The following ACVR1 variants were observed in gnomAD, a reference collection of about 807,000 sequenced individuals.
ACVR1 encodes activin receptor type-1.
A neutral mutation model predicts 57.1 loss-of-function variants in ACVR1; 38 were observed. The ratio of observed to expected loss-of-function variants is 0.67; its 90% CI spans 0.51 to 0.87. The LOEUF is 0.87. Among genes scored for constraint, ACVR1 ranks in the 40% least tolerant of loss-of-function variants. The pLI is 0.00. For missense variants in ACVR1, 463 were observed against 638.2 expected (o/e 0.73, Z 2.96); for synonymous variants, 212 against 228.1 (o/e 0.93, Z 0.63).
intron 1 of ACVR1, among the ~76,000 whole-genome samples, chr2:157,870,701 T>C (rs1690090192): frequency 6.6e-6 from 1 of 152,228 alleles, no homozygotes; most frequent in African/African-American, 2.4e-5. Flanking sequence ...ATTAGTGAGA[T>C]ATTCTTCTCA....
chr2:157,796,645 C>T (rs1687135277), intron 3 of ACVR1, among the ~76,000 whole-genome samples: 1 of 151,528 alleles, frequency 6.6e-6, no homozygotes, highest in African/African-American at 2.4e-5. Context: ...GACTTTAGTT[C>T]TCAATATTCC....
intron 8 of ACVR1, among the ~76,000 whole-genome samples, chr2:157,762,182 C>T (rs1685684338): frequency 6.6e-6 from 1 of 152,218 alleles, no homozygotes; most frequent in Non-Finnish European, 1.5e-5. Context: ...AGTCCCCCCA[C>T]TTATCCTTCA....
rs544477294 is a variant in ACVR1, at chr2:157,815,568, A to G, written c.-8+2817T>C. On this transcript the variant is annotated intron_variant, in intron 2 of 10. Coordinates refer to ENST00000434821, the MANE Select transcript of ACVR1 (RefSeq NM_001111067.4). ...TTTCATAATTAAGAATCACAGGGGT[A>G]GCAATTAACTACAGCCATCATCTCC... 1.9e-4 allele frequency among the ~76,000 whole-genome samples: 29 copies of G among 152,330 alleles called. No individual in the cohort carries two copies. In the East Asian group the frequency reaches 4.1e-3, roughly 21 times the overall value.
intron 3 of ACVR1, among the ~76,000 whole-genome samples, chr2:157,796,847 T>C (rs1360867858): frequency 6.6e-6 from 1 of 152,166 alleles, no homozygotes; most frequent in Admixed American, 6.5e-5. Flanking sequence ...CATTTCCTCG[T>C]ATTAATTCCT....
intron 1 of ACVR1, among the ~76,000 whole-genome samples, chr2:157,845,336 T>A (rs1358427182): frequency 6.6e-6 from 1 of 152,184 alleles, no homozygotes; most frequent in Non-Finnish European, 1.5e-5. Context: ...CTGGATTCTG[T>A]AGGTGGTACT....
rs1053876687 is a variant in ACVR1, at chr2:157,759,558, T to C, written c.1264+1322A>G. Among the ~76,000 whole-genome samples, 5 of 152,138 alleles carry C rather than the reference T, an allele frequency of 3.3e-5. No homozygotes were observed. In the East Asian group the frequency reaches 9.6e-4, roughly 29 times the overall value. On this transcript the variant is annotated intron_variant, in intron 9 of 10. Coordinates refer to ENST00000434821, the MANE Select transcript of ACVR1 (RefSeq NM_001111067.4). The stretch of plus-strand genomic sequence containing the variant: ...CTTCTTCTTGAACTATTCCAAAAAA[T>C]TGAAGAGGACTGAATTGTCCCTAAC...
chr2:157,819,073 G>A (rs1413440968), intron 1 of ACVR1, among the ~76,000 whole-genome samples: 3 of 46,814 alleles, frequency 6.4e-5, no homozygotes, highest in Non-Finnish European at 7.0e-5. Context: ...GCGAGACTCC[G>A]TCTCAAAAAA....
intron 1 of ACVR1, among the ~76,000 whole-genome samples, chr2:157,868,446 C>T (rs571276449): frequency 2.0e-5 from 3 of 149,662 alleles, no homozygotes; most frequent in Non-Finnish European, 4.4e-5. Context: ...GATCGCGCCA[C>T]GGCACTCCAG....
intron 9 of ACVR1, among the ~76,000 whole-genome samples, chr2:157,739,841 G>A (rs1019281810): frequency 6.6e-6 from 1 of 152,052 alleles, no homozygotes; most frequent in Non-Finnish European, 1.5e-5. Flanking sequence ...TCACAAATTT[G>A]GCTAAATAAA....
chr2:157,795,383 CACA>C (rs1559061414), intron 3 of ACVR1, among the ~76,000 whole-genome samples: 10 of 15,304 alleles, frequency 6.5e-4, no homozygotes, highest in Non-Finnish European at 1.8e-3. Context: ...ATAGAACACA[CACA>C]CACACACACA....
chr2:157,809,596 C>CA (rs1051372758), intron 2 of ACVR1, among the ~76,000 whole-genome samples: 1 of 151,688 alleles, frequency 6.6e-6, no homozygotes, highest in African/African-American at 2.4e-5. Flanking sequence ...CGGATATAAC[C>CA]AAAAAACCAC....
At position 157,738,574 on chromosome 2, in the gene ACVR1, C is replaced by T; in HGVS notation, c.1265-4G>A. The T allele has an allele frequency of 6.2e-7, 1 of 1,614,010 alleles. No individual in the cohort carries two copies. Among genetic ancestry groups the T allele is most frequent in the Middle Eastern group, 1.7e-4 (1 of 6,060 alleles). On this transcript the variant is annotated splice_polypyrimidine_tract_variant and splice_region_variant and intron_variant, in intron 9 of 10. Transcript: ENST00000434821. Reference sequence around the variant, plus strand: ...GGCTTGTAATCCTCCACTATACCTGCACACAAGGACAAGAATTGTGTTCGG... The same window carrying T: ...GGCTTGTAATCCTCCACTATACCTGTACACAAGGACAAGAATTGTGTTCGG...
intron 1 of ACVR1, among the ~76,000 whole-genome samples, chr2:157,819,670 G>C (rs1688089385): frequency 6.6e-6 from 1 of 151,980 alleles, no homozygotes; most frequent in Non-Finnish European, 1.5e-5. Flanking sequence ...ACAATTCTCT[G>C]GCATAGACAG....
intron 1 of ACVR1, among the ~76,000 whole-genome samples, chr2:157,845,585 T>C (rs1319023472): frequency 6.6e-6 from 1 of 151,070 alleles, no homozygotes; most frequent in East Asian, 1.9e-4. Flanking sequence ...TACATTGCTG[T>C]TGTTTGTGGT....
At chr2:157,870,062 T>C (rs1274515290) in intron 1 of ACVR1, among the ~76,000 whole-genome samples, 3 of 152,224 alleles carry the variant, frequency 2.0e-5, no homozygotes, top group African/African-American at 4.8e-5. Context: ...ATAGCTGCAA[T>C]AGTGGAAGTT....
chr2:157,855,869 C>CA (rs1689514821), intron 1 of ACVR1, among the ~76,000 whole-genome samples: 1 of 152,044 alleles, frequency 6.6e-6, no homozygotes, highest in Admixed American at 6.5e-5. Context: ...CCAAGAGGAA[C>CA]ATGCTCCTCA....
chr2:157,810,190 A>G (rs1262962924), intron 2 of ACVR1, among the ~76,000 whole-genome samples: 1 of 152,262 alleles, frequency 6.6e-6, no homozygotes, highest in Non-Finnish European at 1.5e-5. Context: ...CACTGTGATT[A>G]TGAAATCATT....
intron 4 of ACVR1, 118 bp downstream of exon 4, chr2:157,780,219 G>C: frequency 6.9e-7 from 1 of 1,439,978 alleles, no homozygotes; most frequent in East Asian, 2.3e-5. Context: ...GTAGCTCTTC[G>C]CCTCTGATTC....
At chr2:157,838,084 C>CT (rs144308737) in intron 1 of ACVR1, among the ~76,000 whole-genome samples, 5,508 of 150,900 alleles carry the variant, frequency 0.037, 197 homozygotes, top group African/African-American at 0.087. Flanking sequence ...ATCAAGAAAG[C>CT]TTTTCCCCCC....
Sources: allele counts gnomAD v4.1 joint callset (sites outside exome capture counted in the v4.1 genomes callset), GRCh38; gene constraint gnomAD v4.1.1; transcripts MANE v1.5; gene names NCBI Gene and HGNC (gene_info 2026-07-23, HGNC 2026-07-21).